ARFIP1: variants seen among roughly 807,000 people sequenced by gnomAD.
The protein encoded by ARFIP1 is arfaptin-1.
Under a neutral mutation model 42.5 loss-of-function variants are expected in ARFIP1, and 24 were observed. The ratio of observed to expected loss-of-function variants is 0.57; its 90% CI spans 0.41 to 0.80. The LOEUF (loss-of-function observed/expected upper bound fraction) is 0.80. ARFIP1 is among the 30% of genes least tolerant of loss of function. The pLI is 0.00. For synonymous variants in ARFIP1, 141 were observed against 153.7 expected (o/e 0.92, Z 0.61); for missense variants, 354 against 434.0 (o/e 0.82, Z 1.64).
At chr4:152,859,837 A>C (rs76396516) in intron 2 of ARFIP1, among the ~76,000 whole-genome samples, 2,378 of 150,104 alleles carry the variant, frequency 0.016, 61 homozygotes, top group African/African-American at 0.056. Flanking sequence ...AATTCTATCT[A>C]GTTGCCCTGT....
intron 2 of ARFIP1, among the ~76,000 whole-genome samples, chr4:152,859,021 C>A (rs555916146): frequency 6.6e-6 from 1 of 152,218 alleles, no homozygotes; most frequent in South Asian, 2.1e-4. Context: ...TTTTTCTTTT[C>A]CTTTATAAGA....
chr4:152,866,325 C>T (rs1578964415), intron 3 of ARFIP1, among the ~76,000 whole-genome samples: 2 of 152,220 alleles, frequency 1.3e-5, no homozygotes, highest in South Asian at 2.1e-4. Context: ...ACCTTTCCCC[C>T]TTTTCTATTC....
intron 1 of ARFIP1, among the ~76,000 whole-genome samples, chr4:152,808,809 C>A (rs981408367): frequency 6.6e-6 from 1 of 152,158 alleles, no homozygotes; most frequent in African/African-American, 2.4e-5. Flanking sequence ...TGGCTTTTGC[C>A]TGTAATCCCA....
chr4:152,853,457 T>C (rs1733159626), intron 2 of ARFIP1, among the ~76,000 whole-genome samples: 2 of 152,226 alleles, frequency 1.3e-5, no homozygotes, highest in African/African-American at 4.8e-5. Flanking sequence ...TGGACAGTTT[T>C]TTTCTTTCTA....
At chr4:152,835,475 T>G (rs1189928949) in intron 2 of ARFIP1, among the ~76,000 whole-genome samples, 1 of 152,206 alleles carries the variant, frequency 6.6e-6, no homozygotes, top group Non-Finnish European at 1.5e-5. Flanking sequence ...TCCCATTCGC[T>G]TCCTCATTTC....
chr4:152,812,856 GT>G (rs747987554), intron 1 of ARFIP1, among the ~76,000 whole-genome samples: 13 of 152,146 alleles, frequency 8.5e-5, no homozygotes, highest in African/African-American at 1.2e-4. Context: ...CCACAATCCA[GT>G]TACTCTGTAA....
chr4:152,858,322 A>G (rs1733607427), intron 2 of ARFIP1, among the ~76,000 whole-genome samples: 1 of 151,988 alleles, frequency 6.6e-6, no homozygotes, highest in African/African-American at 2.4e-5. Context: ...GTAAATAAAT[A>G]ATTTATGTTC....
intron 8 of ARFIP1, among the ~76,000 whole-genome samples, chr4:152,889,040 C>T (rs1736503875): frequency 6.6e-6 from 1 of 152,124 alleles, no homozygotes. Context: ...ATGGGTCTCA[C>T]CATTGCACGT....
At chr4:152,792,107 A>G (rs2149816277) in intron 1 of ARFIP1, among the ~76,000 whole-genome samples, 1 of 152,308 alleles carries the variant, frequency 6.6e-6, no homozygotes, top group Non-Finnish European at 1.5e-5. Context: ...TCAAGTCTAA[A>G]GAAACTAAGC....
chr4:152,788,031 G>C (rs1024598989), intron 1 of ARFIP1, among the ~76,000 whole-genome samples: 2 of 152,150 alleles, frequency 1.3e-5, no homozygotes, highest in Admixed American at 1.3e-4. Context: ...TTCAAGACCA[G>C]CCTGGCCAAC....
intron 1 of ARFIP1, among the ~76,000 whole-genome samples, chr4:152,797,150 T>C (rs1731519422): frequency 6.6e-6 from 1 of 152,232 alleles, no homozygotes; most frequent in African/African-American, 2.4e-5. Flanking sequence ...TATTCTGGAA[T>C]ATGATGTGAG....
chr4:152,856,769 T>C (rs1026872906), intron 2 of ARFIP1, among the ~76,000 whole-genome samples: 1 of 152,172 alleles, frequency 6.6e-6, no homozygotes, highest in Non-Finnish European at 1.5e-5. Context: ...AAAGCTGTTA[T>C]ACTCACTAAA....
intron 2 of ARFIP1, among the ~76,000 whole-genome samples, chr4:152,847,199 C>T (rs1197899530): frequency 8.0e-6 from 1 of 125,176 alleles, no homozygotes; most frequent in Non-Finnish European, 1.6e-5. Flanking sequence ...ATGGTGTGAT[C>T]TCGGCTCACT....
chr4:152,881,929 G>A (rs901512658), intron 6 of ARFIP1, among the ~76,000 whole-genome samples: 2 of 152,132 alleles, frequency 1.3e-5, no homozygotes, highest in Non-Finnish European at 2.9e-5. Context: ...AACTGAAATT[G>A]AAAAGTGTTT....
At chr4:152,805,202 G>A (rs961545099) in intron 1 of ARFIP1, among the ~76,000 whole-genome samples, 2 of 152,192 alleles carry the variant, frequency 1.3e-5, no homozygotes, top group African/African-American at 4.8e-5. Flanking sequence ...TAAAGATATT[G>A]GAAGACCATA....
intron 1 of ARFIP1, among the ~76,000 whole-genome samples, chr4:152,822,032 C>A (rs2149839876): frequency 6.6e-6 from 1 of 152,072 alleles, no homozygotes. Context: ...ATAAAATTCA[C>A]AAGGATTTCA....
chr4:152,830,034 T>C (rs553794422), intron 2 of ARFIP1, among the ~76,000 whole-genome samples: 2 of 152,174 alleles, frequency 1.3e-5, no homozygotes, highest in Non-Finnish European at 2.9e-5. Context: ...AAGATTATCC[T>C]TTTAAAATTG....
intron 6 of ARFIP1, 101 bp downstream of exon 6, chr4:152,881,285 A>T (rs1417252108): frequency 1.3e-5 from 12 of 912,964 alleles, no homozygotes; most frequent in East Asian, 5.2e-5. Context: ...CTTAATGAAG[A>T]TGGAATTCTG....
chr4:152,870,766 G>T lies in ARFIP1; in HGVS notation c.216G>T (p.Pro72=). Residue 72 remains proline (P), a synonymous_variant, in exon 4 of 9, where the codon CCG becomes CCT. Transcript: ENST00000353617. ...EAGAFQGSPA[P]PLPSVMSPSR... The stretch of plus-strand genomic sequence containing the variant: ...CTACCTTTTCAGGTTCCCCAGCACC[G>T]CCACTGCCATCTGTTATGTCTCCTA... 1 of 1,613,760 alleles carries T rather than the reference G, an allele frequency of 6.2e-7. No individual in the cohort carries two copies. The highest frequency in any genetic ancestry group is 8.5e-7 in the Non-Finnish European group (1 of 1,179,760).
Sources: allele counts gnomAD v4.1 joint callset (sites outside exome capture counted in the v4.1 genomes callset), GRCh38; gene constraint gnomAD v4.1.1; transcripts MANE v1.5; gene names NCBI Gene and HGNC (gene_info 2026-07-23, HGNC 2026-07-21).